TPRG1: variants seen among roughly 807,000 people sequenced by gnomAD.
TPRG1 encodes tumor protein p63-regulated gene 1 protein.
In TPRG1, 29 loss-of-function variants were observed where a neutral mutation model predicts 29.3. The ratio of observed to expected loss-of-function variants is 0.99; its 90% CI spans 0.74 to 1.35. The LOEUF is 1.35. Among genes scored for constraint, TPRG1 ranks in the 40% most tolerant of loss-of-function variants. The pLI is 0.00. For missense variants in TPRG1, 327 were observed against 335.0 expected, an observed-to-expected ratio of 0.98 and a Z score of 0.19; for synonymous variants, 130 against 116.8, an observed-to-expected ratio of 1.11 and a Z score of -0.73.
At position 189,006,512 on chromosome 3, in the gene TPRG1, G is replaced by A. The variant is rs144672368; in HGVS notation, c.-660+1752G>A. ...GGGGAGCAGCCATGGCTTCTGCTCT[G>A]AAAGAGTGGCTCTCCTCTGGCAGGC... On this transcript the variant is annotated intron_variant, in intron 3 of 10. Transcript: ENST00000433971. Among the ~76,000 whole-genome samples the A allele has an allele frequency of 1.8e-4, 27 of 152,214 alleles. No homozygotes were observed. The East Asian group carries it at 5.0e-3, about 28-fold the overall frequency.
rs550436745 is a variant in TPRG1, at chr3:189,253,973, A to C, written c.479+15064A>C. On this transcript the variant is annotated intron_variant, in intron 4 of 5. Transcript: ENST00000345063. ...GTTCTTTTCTTGTAAATTTGTTTAA[A>C]GTCCTTGTAGATTCTGCACTTCTTG... Among the ~76,000 whole-genome samples, 3 of 151,946 alleles carry C rather than the reference A, an allele frequency of 2.0e-5. No individual in the cohort carries two copies. The East Asian group carries it at 5.8e-4, about 29-fold the overall frequency.
chr3:189,221,580 A>G (rs1578890308), intron 3 of TPRG1, among the ~76,000 whole-genome samples: 1 of 152,360 alleles, frequency 6.6e-6, no homozygotes, highest in East Asian at 1.9e-4. Context: ...AAGGGCATCT[A>G]TGCTTAATTT....
chr3:189,131,185 G>C lies in TPRG1; in HGVS notation c.-589-1214G>C, dbSNP rs73890981. Among the ~76,000 whole-genome samples, 1,028 of 152,238 alleles carry C rather than the reference G, an allele frequency of 6.8e-3. 15 individuals are homozygous for C. Among genetic ancestry groups the C allele is most frequent in the African/African-American group, 0.023 (970 of 41,536 alleles). The stretch of plus-strand genomic sequence containing the variant: ...ATGTAGTAATTTCACTGATGGGAGG[G>C]CTCAGGGAGATTCCAACTTGGGCTT... On this transcript the variant is annotated intron_variant, in intron 2 of 6. Transcript: ENST00000412373.
chr3:189,263,601 ATC>A lies in TPRG1; in HGVS notation c.479+24696_479+24697del, dbSNP rs534428428. Among the ~76,000 whole-genome samples the A allele has an allele frequency of 8.5e-5, 13 of 152,350 alleles. 1 individual carries two copies. Among genetic ancestry groups the A allele is most frequent in the African/African-American group, 2.9e-4 (12 of 41,588 alleles). ...AGCACTTACTATAAACTGTGGGGACATCTCTGGAATTGCTGAGAAATGGGTTT... is the reference window on the plus strand; with the variant it reads ...AGCACTTACTATAAACTGTGGGGACATCTGGAATTGCTGAGAAATGGGTTT... On this transcript the variant is annotated intron_variant, in intron 4 of 5. Transcript: ENST00000345063.
intron 5 of TPRG1, among the ~76,000 whole-genome samples, chr3:189,163,816 C>A (rs1032636047): frequency 2.0e-5 from 3 of 152,098 alleles, no homozygotes; most frequent in African/African-American, 7.2e-5. Flanking sequence ...GGAGTGGGCA[C>A]CCTTTGGCTC....
chr3:189,204,015 T>G (rs1274472938), intron 1 of TPRG1, among the ~76,000 whole-genome samples: 1 of 125,304 alleles, frequency 8.0e-6, no homozygotes, highest in Non-Finnish European at 1.6e-5. Context: ...CACTTCAGCC[T>G]GGTGACAGAG....
intron 1 of TPRG1, among the ~76,000 whole-genome samples, chr3:189,107,854 C>G (rs1720007114): frequency 6.6e-6 from 1 of 151,876 alleles, no homozygotes; most frequent in Non-Finnish European, 1.5e-5. Flanking sequence ...ATGGAATCAT[C>G]CAGGCTTTGA....
At chr3:189,254,631 T>C (rs1231082668) in intron 4 of TPRG1, among the ~76,000 whole-genome samples, 6 of 152,242 alleles carry the variant, frequency 3.9e-5, no homozygotes, top group Admixed American at 1.3e-4. Flanking sequence ...ATTTTCACGA[T>C]ATTGATTCTT....
chr3:189,006,182 C>T (rs771880810), intron 3 of TPRG1, among the ~76,000 whole-genome samples: 2 of 152,094 alleles, frequency 1.3e-5, no homozygotes, highest in Non-Finnish European at 1.5e-5. Context: ...ACTAAGCACA[C>T]TTTCTTGCAG....
chr3:189,172,128 T>A lies in TPRG1; in HGVS notation c.-13T>A, dbSNP rs1728883339. 1 of 152,212 alleles carries A rather than the reference T, an allele frequency of 6.6e-6. No individual in the cohort carries two copies. The allele number at this position is 152,212 out of a possible 1,614,324, so 9.4% of individuals were successfully genotyped here. A position where few individuals can be genotyped will look rare whatever the true frequency, so the allele number is the denominator to read the frequency against. On this transcript the variant is annotated 5_prime_UTR_variant, in exon 1 of 6. Coordinates refer to ENST00000345063, the MANE Select transcript of TPRG1 (RefSeq NM_198485.4). ...AGAAGAGCCTTGAGGACCAGCCTAG[T>A]CAGGTAAGATCAAGTGGCTTGTCAC...
At chr3:189,213,086 A>G (rs1306217418) in intron 2 of TPRG1, among the ~76,000 whole-genome samples, 4 of 152,196 alleles carry the variant, frequency 2.6e-5, no homozygotes, top group African/African-American at 7.2e-5. Context: ...TACAGTAAAC[A>G]TTTGATCCCC....
intron 5 of TPRG1, among the ~76,000 whole-genome samples, chr3:189,316,125 G>A (rs760354077): frequency 3.9e-5 from 6 of 152,206 alleles, no homozygotes; most frequent in Non-Finnish European, 7.3e-5. Context: ...GTGCACATAT[G>A]TGCATATGTT....
chr3:189,151,223 C>T (rs550060424), intron 5 of TPRG1: 3 of 88,812 alleles, frequency 3.4e-5, no homozygotes, highest in Admixed American at 1.2e-4. Flanking sequence ...TAACACCAGT[C>T]GTCCTTCAAT....
chr3:189,093,053 G>C (rs1299715502), intron 4 of TPRG1, among the ~76,000 whole-genome samples: 1 of 151,904 alleles, frequency 6.6e-6, no homozygotes, highest in Non-Finnish European at 1.5e-5. Context: ...TATTTGCCTA[G>C]TTGAAATAGC....
intron 4 of TPRG1, among the ~76,000 whole-genome samples, chr3:189,074,199 CTTT>C (rs554150288): frequency 0.025 from 1,680 of 67,928 alleles, 20 homozygotes; most frequent in African/African-American, 0.11. Flanking sequence ...AATTATTTTC[CTTT>C]TTTTTTTTTT....
At chr3:189,234,226 G>A (rs1222557906) in intron 3 of TPRG1, among the ~76,000 whole-genome samples, 1 of 152,128 alleles carries the variant, frequency 6.6e-6, no homozygotes. Flanking sequence ...TGTGGGTAGG[G>A]GAGGTGAGGG....
chr3:189,205,506 C>G (rs1236333316), intron 1 of TPRG1, among the ~76,000 whole-genome samples: 1 of 152,170 alleles, frequency 6.6e-6, no homozygotes, highest in Non-Finnish European at 1.5e-5. Context: ...TTGTGAATAG[C>G]CTAGTTAATC....
chr3:189,101,405 TAA>T (rs61327652), intron 1 of TPRG1, among the ~76,000 whole-genome samples: 4 of 148,660 alleles, frequency 2.7e-5, no homozygotes, highest in African/African-American at 9.8e-5. Flanking sequence ...ACATTTATCT[TAA>T]AAAAAAAAAT....
chr3:189,044,010 A>G (rs912649055), intron 4 of TPRG1, among the ~76,000 whole-genome samples: 1 of 152,148 alleles, frequency 6.6e-6, no homozygotes, highest in Non-Finnish European at 1.5e-5. Context: ...TCCAGTATCA[A>G]TGTTTTGCTG....
Sources: allele counts gnomAD v4.1 joint callset (sites outside exome capture counted in the v4.1 genomes callset), GRCh38; gene constraint gnomAD v4.1.1; transcripts MANE v1.5; gene names NCBI Gene and HGNC (gene_info 2026-07-23, HGNC 2026-07-21).